WWOX: variants seen among roughly 807,000 people sequenced by gnomAD.
WWOX encodes WW domain containing oxidoreductase.
Under a neutral mutation model 46.2 loss-of-function variants are expected in WWOX, and 69 were observed. That is an observed-to-expected ratio of 1.49 (90% confidence interval 1.23 to 1.82). The LOEUF (loss-of-function observed/expected upper bound fraction) is 1.82, where lower values mean the gene tolerates loss of function less well. Ranked by LOEUF, WWOX falls within the 40% of genes most tolerant of loss-of-function variation. The pLI is 0.00. For missense variants in WWOX, 919 were observed against 542.6 expected, an observed-to-expected ratio of 1.69 and a Z score of -6.89; for synonymous variants, 359 against 202.6, an observed-to-expected ratio of 1.77 and a Z score of -6.56.
chr16:78,626,955 T>G (rs970468461), intron 8 of WWOX, among the ~76,000 whole-genome samples: 2 of 152,206 alleles, frequency 1.3e-5, no homozygotes, highest in East Asian at 3.9e-4. Context: ...GTTCTTGTGA[T>G]GTACACACAT....
chr16:78,125,804 G>A (rs573072429), intron 4 of WWOX, among the ~76,000 whole-genome samples: 3 of 152,284 alleles, frequency 2.0e-5, no homozygotes, highest in South Asian at 4.2e-4. Context: ...ATGGGAAGTA[G>A]CATTCATCAA....
intron 8 of WWOX, among the ~76,000 whole-genome samples, chr16:78,586,693 C>G (rs2045216883): frequency 6.6e-6 from 1 of 152,194 alleles, no homozygotes; most frequent in South Asian, 2.1e-4. Flanking sequence ...CTAAATCTTT[C>G]ACATAATCTC....
At chr16:79,121,115 A>C (rs1395418205) in intron 8 of WWOX, among the ~76,000 whole-genome samples, 1 of 152,192 alleles carries the variant, frequency 6.6e-6, no homozygotes, top group African/African-American at 2.4e-5. Flanking sequence ...TGTAGGACCC[A>C]CTTGGAATAT....
At chr16:78,420,625 A>G (rs6564542) in intron 6 of WWOX, among the ~76,000 whole-genome samples, 39,305 of 150,564 alleles carry the variant, frequency 0.26, 10,430 homozygotes, top group African/African-American at 0.68. Context: ...GAGTGTAGGT[A>G]GATAGAGGGT....
intron 5 of WWOX, among the ~76,000 whole-genome samples, chr16:78,326,549 T>A (rs2080621692): frequency 7.2e-6 from 1 of 138,638 alleles, no homozygotes; most frequent in South Asian, 2.5e-4. Context: ...TTAACCTCTC[T>A]GGCTTTATTT....
At chr16:78,169,838 C>G (rs1313168037) in intron 5 of WWOX, among the ~76,000 whole-genome samples, 1 of 151,984 alleles carries the variant, frequency 6.6e-6, no homozygotes, top group Non-Finnish European at 1.5e-5. Flanking sequence ...TTATGAGTAA[C>G]CAATGTTCCT....
intron 8 of WWOX, among the ~76,000 whole-genome samples, chr16:78,735,721 G>A (rs1441616485): frequency 6.6e-6 from 1 of 152,158 alleles, no homozygotes; most frequent in East Asian, 1.9e-4. Flanking sequence ...CTAGTTCTAT[G>A]TCAATGATGG....
chr16:78,448,807 T>G (rs1004101564), intron 8 of WWOX, among the ~76,000 whole-genome samples: 1 of 152,180 alleles, frequency 6.6e-6, no homozygotes, highest in Admixed American at 6.5e-5. Flanking sequence ...CTTTTTATCC[T>G]TTTATGGCTG....
At chr16:78,943,097 A>C (rs191076171) in intron 8 of WWOX, among the ~76,000 whole-genome samples, 1 of 152,204 alleles carries the variant, frequency 6.6e-6, no homozygotes, top group Non-Finnish European at 1.5e-5. Flanking sequence ...TTAAATTGCT[A>C]TAAAGTTTTA....
rs141337070 is a variant in WWOX, at chr16:78,803,542, G to A, written c.1056+370790G>A. Among the ~76,000 whole-genome samples the A allele has an allele frequency of 4.4e-3, 663 of 152,224 alleles. 1 individual carries two copies. The highest frequency in any genetic ancestry group is 6.1e-3 in the Non-Finnish European group (415 of 68,018). On this transcript the variant is annotated intron_variant, in intron 8 of 8. Transcript: ENST00000566780. The stretch of plus-strand genomic sequence containing the variant: ...GCTTTCTGCAGCATTGACCTTGTGG[G>A]CTCAAGCAGTCGTCCTGCCTCAGCC...
intron 8 of WWOX, among the ~76,000 whole-genome samples, chr16:78,732,538 G>C (rs1315725511): frequency 6.6e-6 from 1 of 152,112 alleles, no homozygotes; most frequent in African/African-American, 2.4e-5. Flanking sequence ...TTCATGAATA[G>C]CGCATGTGGT....
chr16:78,822,306 T>C (rs940478688), intron 8 of WWOX, among the ~76,000 whole-genome samples: 21 of 152,158 alleles, frequency 1.4e-4, no homozygotes, highest in South Asian at 2.1e-4. Flanking sequence ...CCAGCCTGGC[T>C]GACATGACGA....
intron 8 of WWOX, among the ~76,000 whole-genome samples, chr16:78,438,878 A>C (rs1312535693): frequency 6.6e-6 from 1 of 152,166 alleles, no homozygotes; most frequent in South Asian, 2.1e-4. Context: ...GAAAAAGCAC[A>C]AGATGTCATT....
intron 8 of WWOX, among the ~76,000 whole-genome samples, chr16:78,597,804 G>T (rs1312876596): frequency 6.7e-6 from 1 of 150,314 alleles, no homozygotes; most frequent in Non-Finnish European, 1.5e-5. Flanking sequence ...TGAATATACT[G>T]AATGCTAAGC....
At chr16:78,830,045 G>A (rs984737526) in intron 8 of WWOX, among the ~76,000 whole-genome samples, 4 of 152,042 alleles carry the variant, frequency 2.6e-5, no homozygotes, top group African/African-American at 9.7e-5. Flanking sequence ...ATCACTAGAG[G>A]TCAGGAGTTC....
intron 5 of WWOX, among the ~76,000 whole-genome samples, chr16:78,251,610 G>C (rs2037986276): frequency 6.6e-6 from 1 of 152,206 alleles, no homozygotes; most frequent in Admixed American, 6.5e-5. Context: ...TCTAAAAGCT[G>C]TCTGAAATAT....
At chr16:78,433,704 C>T (rs1286213588) in intron 8 of WWOX, among the ~76,000 whole-genome samples, 1 of 151,646 alleles carries the variant, frequency 6.6e-6, no homozygotes, top group African/African-American at 2.4e-5. Flanking sequence ...ATCTCACGAC[C>T]TTGGAAACTG....
At chr16:78,776,283 G>T (rs868617341) in intron 8 of WWOX, among the ~76,000 whole-genome samples, 104 of 152,212 alleles carry the variant, frequency 6.8e-4, no homozygotes, top group African/African-American at 2.4e-3. Flanking sequence ...GGTTGGGATG[G>T]TTTGGCTCTT....
At chr16:78,525,478 C>A (rs2043442949) in intron 8 of WWOX, 2 of 152,214 alleles carry the variant, frequency 1.3e-5, no homozygotes, top group African/African-American at 4.8e-5. Flanking sequence ...AGCCACCACA[C>A]CCGGCCCAGA....
Sources: gnomAD v4.1 joint callset for allele counts (sites outside exome capture counted in the v4.1 genomes callset) on GRCh38, gnomAD v4.1.1 for gene constraint, MANE v1.5 for transcripts, NCBI Gene and HGNC (gene_info 2026-07-23, HGNC 2026-07-21) for gene names.